The following MYRIP variants were observed in gnomAD, a reference collection of about 807,000 sequenced individuals.
MYRIP encodes the protein rab effector MyRIP.
MYRIP carries 49 observed loss-of-function variants against 98.0 expected under a neutral mutation model. That is an observed-to-expected ratio of 0.50 (90% confidence interval 0.40 to 0.63). MYRIP has a LOEUF of 0.63. MYRIP is among the 30% of genes least tolerant of loss of function. MYRIP has a pLI of 0.00. For synonymous variants in MYRIP, 404 were observed against 409.5 expected (o/e 0.99, Z 0.16); for missense variants, 1,004 against 1,058.2 (o/e 0.95, Z 0.71).
At chr3:39,919,727 T>TGTGTGTGAGA (rs1553645683) in intron 2 of MYRIP, among the ~76,000 whole-genome samples, 2 of 123,384 alleles carry the variant, frequency 1.6e-5, no homozygotes, top group South Asian at 2.6e-4. Flanking sequence ...TGTGTGTGTG[T>TGTGTGTGAGA]GAGAGAGAGA....
At chr3:40,034,460 A>C (rs1947332142) in intron 2 of MYRIP, among the ~76,000 whole-genome samples, 1 of 151,918 alleles carries the variant, frequency 6.6e-6, no homozygotes, top group African/African-American at 2.4e-5. Context: ...CAGCCAAAAG[A>C]CACATGAAAA....
intron 1 of MYRIP, among the ~76,000 whole-genome samples, chr3:39,847,834 T>C (rs1942013854): frequency 6.6e-6 from 1 of 152,200 alleles, no homozygotes; most frequent in Non-Finnish European, 1.5e-5. Flanking sequence ...GACCATGTTA[T>C]CTGTTATCCC....
rs555193266 is a variant in MYRIP, at chr3:39,961,692, C to T, written c.110+60766C>T. Among the ~76,000 whole-genome samples, 38 of 152,218 alleles carry T rather than the reference C, an allele frequency of 2.5e-4. 1 individual carries two copies. Among genetic ancestry groups the T allele is most frequent in the Admixed American group, 1.8e-3 (27 of 15,270 alleles). On this transcript the variant is annotated intron_variant, in intron 2 of 16. Coordinates refer to ENST00000302541, the MANE Select transcript of MYRIP (RefSeq NM_015460.4). Reference sequence around the variant, plus strand: ...CGTTACTAGTCGAGATATCTAATGTCAGAAGACCACAAAACTGCATCTTTT... The same window carrying T: ...CGTTACTAGTCGAGATATCTAATGTTAGAAGACCACAAAACTGCATCTTTT...
chr3:40,256,352 A>G (rs778784717), intron 16 of MYRIP, among the ~76,000 whole-genome samples: 66 of 152,304 alleles, frequency 4.3e-4, no homozygotes, highest in Non-Finnish European at 7.9e-4. Context: ...AAATGAAAAC[A>G]TTACATATAT....
intron 1 of MYRIP, among the ~76,000 whole-genome samples, chr3:39,866,208 A>T (rs888301718): frequency 4.7e-5 from 7 of 150,486 alleles, no homozygotes; most frequent in Non-Finnish European, 7.4e-5. Flanking sequence ...TTAAGGATTT[A>T]AAAAAAAAAT....
rs547493392 is a variant in MYRIP at position 39,932,813 on chromosome 3, T to C, written c.110+31887T>C. Among the ~76,000 whole-genome samples, 138 of 152,324 alleles carry C rather than the reference T, an allele frequency of 9.1e-4. 1 individual carries two copies. The highest frequency in any genetic ancestry group is 1.6e-3 in the Admixed American group (25 of 15,302). The stretch of plus-strand genomic sequence containing the variant: ...GGCTGCTTTCTACCTTTAGGGTATA[T>C]GTCTTACACATTGGTAGTGCCTAGT... On this transcript the variant is annotated intron_variant, in intron 2 of 16. Transcript: ENST00000302541.
At chr3:40,140,681 T>C (rs1949873514) in intron 3 of MYRIP, among the ~76,000 whole-genome samples, 2 of 152,208 alleles carry the variant, frequency 1.3e-5, no homozygotes, top group South Asian at 4.1e-4. Flanking sequence ...TAATACCTTA[T>C]TGTGGTCTTG....
chr3:40,194,710 T>C (rs557207976), intron 10 of MYRIP, among the ~76,000 whole-genome samples: 13 of 152,312 alleles, frequency 8.5e-5, no homozygotes, highest in African/African-American at 2.4e-4. Flanking sequence ...TAATGTGGTA[T>C]TTATTCCCAC....
At chr3:40,137,222 A>T (rs1037851202) in intron 3 of MYRIP, among the ~76,000 whole-genome samples, 9 of 152,266 alleles carry the variant, frequency 5.9e-5, no homozygotes, top group Non-Finnish European at 1.3e-4. Flanking sequence ...ATCCCACAGA[A>T]ATACAAACTA....
intron 8 of MYRIP, 92 bp from the exon 9 acceptor site, chr3:40,182,128 T>C (rs934975454): frequency 2.2e-6 from 3 of 1,353,654 alleles, no homozygotes; most frequent in Non-Finnish European, 3.0e-6. Flanking sequence ...GTTTTCTCCA[T>C]GCTGGACAAT....
intron 11 of MYRIP, among the ~76,000 whole-genome samples, chr3:40,219,754 TTCCAAG>T (rs1375220957): frequency 6.6e-6 from 1 of 152,150 alleles, no homozygotes; most frequent in Non-Finnish European, 1.5e-5. Context: ...TTTGGCTTGG[TTCCAAG>T]TCTTTGCTAT....
At chr3:39,971,092 A>C (rs569654231) in intron 2 of MYRIP, among the ~76,000 whole-genome samples, 1 of 152,266 alleles carries the variant, frequency 6.6e-6, no homozygotes, top group Non-Finnish European at 1.5e-5. Flanking sequence ...GTGACAAAAC[A>C]AAGTACTTTG....
At chr3:39,889,560 G>T (rs976249480) in intron 1 of MYRIP, among the ~76,000 whole-genome samples, 1 of 152,108 alleles carries the variant, frequency 6.6e-6, no homozygotes, top group African/African-American at 2.4e-5. Flanking sequence ...GGATAGCATT[G>T]GGAGATATAC....
chr3:40,170,115 G>C lies in MYRIP; in HGVS notation c.873+22G>C. The C allele has an allele frequency of 1.9e-6, 3 of 1,613,168 alleles. No individual in the cohort carries two copies. In the South Asian group the frequency reaches 3.3e-5, roughly 18 times the overall value. ...CTGGGTGAGTCCCCAAGCAGTGCTG[G>C]TCTACCCTCCACACGTGCAGGTCTG... On this transcript the variant is annotated intron_variant, in intron 8 of 16. Transcript: ENST00000302541.
At chr3:40,082,358 C>A (rs1280357117) in intron 3 of MYRIP, among the ~76,000 whole-genome samples, 2 of 152,192 alleles carry the variant, frequency 1.3e-5, no homozygotes, top group Non-Finnish European at 2.9e-5. Context: ...CATTTATGAA[C>A]CTCACCATTG....
intron 10 of MYRIP, among the ~76,000 whole-genome samples, chr3:40,208,222 C>A (rs1301562559): frequency 2.0e-5 from 3 of 152,030 alleles, no homozygotes; most frequent in African/African-American, 4.8e-5. Flanking sequence ...TCAAGTGAAC[C>A]CATATGGTAA....
chr3:40,113,430 C>T (rs939878640), intron 3 of MYRIP, among the ~76,000 whole-genome samples: 1 of 152,158 alleles, frequency 6.6e-6, no homozygotes, highest in African/African-American at 2.4e-5. Flanking sequence ...CAGGCATGAG[C>T]CACCATGCCC....
chr3:40,115,930 C>T (rs1179526663), intron 3 of MYRIP, among the ~76,000 whole-genome samples: 2 of 152,156 alleles, frequency 1.3e-5, no homozygotes, highest in African/African-American at 4.8e-5. Flanking sequence ...AGGTCCACAC[C>T]CTCCTGCCCG....
At chr3:39,972,747 T>G (rs1945620914) in intron 2 of MYRIP, among the ~76,000 whole-genome samples, 2 of 152,010 alleles carry the variant, frequency 1.3e-5, no homozygotes, top group Admixed American at 1.3e-4. Context: ...TGCCATTTGT[T>G]TTTTTTCCCC....
Sources: allele counts gnomAD v4.1 joint callset (sites outside exome capture counted in the v4.1 genomes callset), GRCh38; gene constraint gnomAD v4.1.1; transcripts MANE v1.5; gene names NCBI Gene and HGNC (gene_info 2026-07-23, HGNC 2026-07-21).